Variants in DNAH3 observed in about 807,000 individuals in gnomAD.
DNAH3 encodes dynein axonemal heavy chain 3.
DNAH3 carries 332 observed loss-of-function variants against 432.5 expected under a neutral mutation model. The observed-to-expected ratio is 0.77, with a 90% CI of 0.70 to 0.84. DNAH3 has a LOEUF of 0.84. Ranked by LOEUF, DNAH3 falls within the 40% of genes least tolerant of loss-of-function variation. DNAH3 has a pLI of 0.00. For synonymous variants in DNAH3, 1,956 were observed against 1,900.2 expected (o/e 1.03, Z -0.76); for missense variants, 4,861 against 5,114.0 (o/e 0.95, Z 1.51).
chr16:20,963,220 G>A (rs1386248723), intron 53 of DNAH3, 64 bp downstream of exon 53: 4 of 1,476,778 alleles, frequency 2.7e-6, no homozygotes, highest in African/African-American at 1.4e-5. Context: ...TAAGGGACGG[G>A]CTACTGATAT....
At chr16:21,079,616 C>T (rs190455071) in intron 20 of DNAH3, among the ~76,000 whole-genome samples, 60 of 151,976 alleles carry the variant, frequency 3.9e-4, no homozygotes, top group Non-Finnish European at 4.3e-4. Context: ...CAGCCTGGGA[C>T]ACAGAGTGAG....
chr16:20,940,054 G>A (rs2083746613), intron 59 of DNAH3, among the ~76,000 whole-genome samples: 1 of 152,198 alleles, frequency 6.6e-6, no homozygotes. Flanking sequence ...TGTGGTAGAG[G>A]CACTAGGATG....
chr16:21,113,411 A>G (rs536864726), intron 12 of DNAH3, among the ~76,000 whole-genome samples: 76 of 152,108 alleles, frequency 5.0e-4, no homozygotes, highest in Non-Finnish European at 1.0e-3. Context: ...GTATCCCTCA[A>G]TCCAATCAAG....
chr16:21,062,444 T>A, intron 25 of DNAH3, 38 bp downstream of exon 25: 1 of 1,569,376 alleles, frequency 6.4e-7, no homozygotes, highest in Non-Finnish European at 8.8e-7. Context: ...TTTACTCTGT[T>A]ATGGAGAAAA....
chr16:20,948,922 C>CA (rs1324394291), intron 56 of DNAH3, among the ~76,000 whole-genome samples: 1 of 152,098 alleles, frequency 6.6e-6, no homozygotes, highest in Non-Finnish European at 1.5e-5. Context: ...CCCACCCCCA[C>CA]AACCCATGCC....
At chr16:20,949,670 T>C (rs901058335) in intron 56 of DNAH3, among the ~76,000 whole-genome samples, 4 of 152,334 alleles carry the variant, frequency 2.6e-5, no homozygotes, top group Non-Finnish European at 4.4e-5. Flanking sequence ...TTGCTAACTG[T>C]GCCCCTGATA....
chr16:21,114,124 C>G (rs1322486436), intron 12 of DNAH3, among the ~76,000 whole-genome samples: 2 of 152,204 alleles, frequency 1.3e-5, no homozygotes, highest in Non-Finnish European at 2.9e-5. Context: ...GTCCCTTTCT[C>G]TGTTTTTCTC....
exon 57 of DNAH3, chr16:20,948,610 G>T: frequency 6.2e-7 from 1 of 1,614,146 alleles, no homozygotes; most frequent in Non-Finnish European, 8.5e-7. Flanking sequence ...TTTGTCATCA[G>T]TCACTCTGCC....
intron 18 of DNAH3, among the ~76,000 whole-genome samples, chr16:21,091,684 C>T (rs893923477): frequency 1.3e-5 from 2 of 152,044 alleles, no homozygotes; most frequent in African/African-American, 4.8e-5. Context: ...GGTGTGGTGG[C>T]ATGTGCCTAT....
chr16:21,042,118 C>T (rs1190131377), exon 32 of DNAH3: 1 of 1,613,676 alleles, frequency 6.2e-7, no homozygotes, highest in South Asian at 1.1e-5. Flanking sequence ...GAGCTCAGTC[C>T]CTTCAAAGAT....
At chr16:20,977,845 G>A (rs140276490) in intron 50 of DNAH3, among the ~76,000 whole-genome samples, 1 of 152,308 alleles carries the variant, frequency 6.6e-6, no homozygotes, top group Non-Finnish European at 1.5e-5. Flanking sequence ...TCCTTTTGCT[G>A]TTCCTCAGAC....
exon 53 of DNAH3, chr16:20,963,909 G>T (rs770338573): frequency 5.0e-6 from 8 of 1,614,024 alleles, no homozygotes; most frequent in Non-Finnish European, 6.8e-6. Flanking sequence ...AGAGATTTAT[G>T]AACCAAGTCA....
At chr16:20,973,192 G>A in intron 51 of DNAH3, among the ~76,000 whole-genome samples, 1 of 152,094 alleles carries the variant, frequency 6.6e-6, no homozygotes, top group East Asian at 1.9e-4. Flanking sequence ...ATGCAGCTCT[G>A]GAAAGTCAAT....
chr16:21,080,856 TCA>T (rs1482240274), intron 20 of DNAH3, among the ~76,000 whole-genome samples: 1 of 152,134 alleles, frequency 6.6e-6, no homozygotes. Context: ...GGTAAAATTC[TCA>T]CACACAAACT....
intron 56 of DNAH3, among the ~76,000 whole-genome samples, chr16:20,949,607 AAG>A (rs1226048971): frequency 3.9e-5 from 6 of 152,186 alleles, no homozygotes; most frequent in Non-Finnish European, 2.9e-5. Context: ...CTGGTGGATA[AAG>A]AGGGACTAGT....
rs367990606 is a variant in DNAH3 at position 21,029,484 on chromosome 16, G to A, written c.5439+1561C>T. On this transcript the variant is annotated intron_variant, in intron 37 of 61. Transcript: ENST00000261383. ...ATAAATAGTAACTTATCTAATCTTC[G>A]TAACAGTATAAGGTAGACGCTATCG... 1.5e-3 allele frequency among the ~76,000 whole-genome samples: 221 copies of A among 152,194 alleles called. 8 individuals are homozygous for A. In the South Asian group the frequency reaches 0.044, roughly 30 times the overall value.
Position 21,097,398 on chromosome 16 carries a change from C to G in DNAH3, c.2622G>C (p.Ser874=), listed in dbSNP as rs76700776. 4.4e-3 allele frequency: 7,036 copies of G among 1,613,814 alleles called. 252 individuals carry two copies. In the African/African-American group the frequency reaches 0.079, roughly 18 times the overall value. Residue 874 remains serine, a synonymous_variant, in exon 18 of 62, where the codon TCG becomes TCC. Coordinates refer to ENST00000261383, the Ensembl canonical transcript of DNAH3. Reference sequence around the variant, plus strand: ...ACTTGATGCTGAACTCATAGGCTGTCGACCACAGCTGCTCATAAGGTACTT... The same window carrying G: ...ACTTGATGCTGAACTCATAGGCTGTGGACCACAGCTGCTCATAAGGTACTT...
At chr16:21,067,182 T>C (rs1463306802) in intron 24 of DNAH3, 101 bp downstream of exon 24, 3 of 1,269,478 alleles carry the variant, frequency 2.4e-6, no homozygotes, top group African/African-American at 1.5e-5. Context: ...GGAAAGAGTA[T>C]GGACTAGATT....
chr16:21,075,011 G>C (rs957657990), intron 21 of DNAH3, among the ~76,000 whole-genome samples: 6 of 152,218 alleles, frequency 3.9e-5, no homozygotes, highest in African/African-American at 1.2e-4. Flanking sequence ...CAGAATCCTA[G>C]ATTCCATCCC....
Sources: gnomAD v4.1 joint callset for allele counts (sites outside exome capture counted in the v4.1 genomes callset) on GRCh38, gnomAD v4.1.1 for gene constraint, MANE v1.5 for transcripts, NCBI Gene and HGNC (gene_info 2026-07-23, HGNC 2026-07-21) for gene names.